ADK: variants seen among roughly 807,000 people sequenced by gnomAD.
The protein encoded by ADK is adenosine kinase, also known as N6,N6-dimethyladenosine kinase.
ADK carries 24 observed loss-of-function variants against 44.7 expected under a neutral mutation model. The observed-to-expected ratio is 0.54, with a 90% CI of 0.39 to 0.76. ADK has a LOEUF of 0.76. ADK is among the 30% of genes least tolerant of loss of function. The pLI, the probability that ADK is intolerant of heterozygous loss-of-function variation, is 0.00. For missense variants in ADK, 321 were observed against 425.1 expected (o/e 0.76, Z 2.15); for synonymous variants, 128 against 142.6 (o/e 0.90, Z 0.73).
chr10:74,192,838 A>G (rs1484491167), intron 1 of ADK, among the ~76,000 whole-genome samples: 1 of 152,184 alleles, frequency 6.6e-6, no homozygotes, highest in Non-Finnish European at 1.5e-5. Context: ...GTGTTTTACA[A>G]ATAAATCTGT....
intron 7 of ADK, among the ~76,000 whole-genome samples, chr10:74,572,729 C>G (rs1375975216): frequency 6.6e-6 from 1 of 152,018 alleles, no homozygotes; most frequent in African/African-American, 2.4e-5. Flanking sequence ...TCTAAACTTC[C>G]CTTCTCGCTT....
chr10:74,338,003 T>A (rs1185444566), intron 4 of ADK, among the ~76,000 whole-genome samples: 1 of 152,092 alleles, frequency 6.6e-6, no homozygotes, highest in Admixed American at 6.6e-5. Flanking sequence ...AGCGAGACCC[T>A]GGCTTCAAGC....
chr10:74,413,266 G>A (rs1844250026), intron 6 of ADK, among the ~76,000 whole-genome samples: 1 of 152,048 alleles, frequency 6.6e-6, no homozygotes, highest in Admixed American at 6.6e-5. Flanking sequence ...ATCCTTTGAA[G>A]CTTCGAAGCC....
At chr10:74,285,035 T>A (rs1847105035) in intron 3 of ADK, among the ~76,000 whole-genome samples, 1 of 152,252 alleles carries the variant, frequency 6.6e-6, no homozygotes, top group South Asian at 2.1e-4. Context: ...GCTAGGCACT[T>A]CATGTATTTA....
intron 10 of ADK, among the ~76,000 whole-genome samples, chr10:74,693,514 A>G (rs889597180): frequency 4.6e-5 from 7 of 152,048 alleles, no homozygotes; most frequent in Non-Finnish European, 7.4e-5. Context: ...ACTTGTTTTC[A>G]TTGCTATCAC....
chr10:74,253,234 G>T (rs947283488), intron 3 of ADK, among the ~76,000 whole-genome samples: 10 of 152,254 alleles, frequency 6.6e-5, no homozygotes, highest in African/African-American at 1.9e-4. Flanking sequence ...GCAGAGCAGG[G>T]CTACCCCGTA....
chr10:74,348,879 G>A (rs950466198), intron 4 of ADK, among the ~76,000 whole-genome samples: 2 of 151,660 alleles, frequency 1.3e-5, no homozygotes, highest in Admixed American at 1.3e-4. Flanking sequence ...AAATAAAATG[G>A]AATGAACAAA....
intron 6 of ADK, chr10:74,508,473 G>A (rs1332661287): frequency 1.3e-5 from 2 of 152,132 alleles, no homozygotes; most frequent in East Asian, 1.9e-4. Context: ...TATAGGCCAA[G>A]AACTATATTA....
At chr10:74,401,906 C>A (rs1843728402) in intron 6 of ADK, among the ~76,000 whole-genome samples, 1 of 152,274 alleles carries the variant, frequency 6.6e-6, no homozygotes, top group Non-Finnish European at 1.5e-5. Flanking sequence ...TTTAGTGCTT[C>A]CTTCAGGAGC....
intron 10 of ADK, among the ~76,000 whole-genome samples, chr10:74,686,929 A>T (rs1855816848): frequency 6.6e-6 from 1 of 151,468 alleles, no homozygotes; most frequent in African/African-American, 2.4e-5. Flanking sequence ...ACCCGCCTCA[A>T]CCTCCCAAAG....
At chr10:74,529,007 A>G (rs997621164) in intron 7 of ADK, among the ~76,000 whole-genome samples, 8 of 152,314 alleles carry the variant, frequency 5.3e-5, no homozygotes, top group Middle Eastern at 6.8e-3. Context: ...TAGCAGTTCT[A>G]CTTCTAGGTA....
intron 6 of ADK, among the ~76,000 whole-genome samples, chr10:74,420,297 A>G (rs1176558575): frequency 6.6e-6 from 1 of 152,094 alleles, no homozygotes; most frequent in East Asian, 1.9e-4. Flanking sequence ...CAACCTGGAC[A>G]TTTTTATTGT....
chr10:74,423,589 T>C (rs1462960009), intron 6 of ADK: 1 of 270,742 alleles, frequency 3.7e-6, no homozygotes, highest in South Asian at 3.9e-5. Flanking sequence ...TCTTTACTGA[T>C]GTCTCCATAG....
chr10:74,318,725 T>C (rs1415420335), intron 4 of ADK, among the ~76,000 whole-genome samples: 1 of 152,238 alleles, frequency 6.6e-6, no homozygotes, highest in Non-Finnish European at 1.5e-5. Flanking sequence ...TAAGCCTATA[T>C]AATGAATCTG....
Position 74,383,780 on chromosome 10 carries a change from C to G in ADK, c.274-10361C>G, listed in dbSNP as rs553285399. ...TTAGCAAGACCTGTTTGTTTAGATTCATCTCATGTCCTTACATCTTCTGAG... is the reference window on the plus strand; with the variant it reads ...TTAGCAAGACCTGTTTGTTTAGATTGATCTCATGTCCTTACATCTTCTGAG... On this transcript the variant is annotated intron_variant, in intron 4 of 10. Transcript: ENST00000539909. 1.2e-4 allele frequency among the ~76,000 whole-genome samples: 18 copies of G among 152,180 alleles called. No individual in the cohort carries two copies. The South Asian group carries it at 3.5e-3, about 30-fold the overall frequency.
At chr10:74,300,308 TTCTTTCCTTCCTTCCTTCCTTCC>T (rs1564640941) in intron 3 of ADK, among the ~76,000 whole-genome samples, 2 of 68,278 alleles carry the variant, frequency 2.9e-5, no homozygotes, top group Non-Finnish European at 5.7e-5. Context: ...CCTTCCTTCC[TTCTTTCCTTCCTTCCTTCCTTCC>T]TTCCTTCCTT....
chr10:74,278,949 G>T (rs1564630445), intron 3 of ADK, among the ~76,000 whole-genome samples: 1 of 152,058 alleles, frequency 6.6e-6, no homozygotes, highest in Non-Finnish European at 1.5e-5. Context: ...AATGATTTTT[G>T]ATTTTTGTTC....
At chr10:74,581,053 CA>C (rs1851357559) in intron 7 of ADK, among the ~76,000 whole-genome samples, 2 of 146,630 alleles carry the variant, frequency 1.4e-5, no homozygotes, top group Non-Finnish European at 3.0e-5. Context: ...CACACACACA[CA>C]CGTATATATA....
At chr10:74,460,238 C>A (rs1846122359) in intron 6 of ADK, among the ~76,000 whole-genome samples, 1 of 152,114 alleles carries the variant, frequency 6.6e-6, no homozygotes, top group Non-Finnish European at 1.5e-5. Context: ...TAAACAAAAA[C>A]TTCTTGTTGT....
Sources: allele counts gnomAD v4.1 joint callset (sites outside exome capture counted in the v4.1 genomes callset), GRCh38; gene constraint gnomAD v4.1.1; transcripts MANE v1.5; gene names NCBI Gene and HGNC (gene_info 2026-07-23, HGNC 2026-07-21).